SPATA13: variants seen among roughly 807,000 people sequenced by gnomAD.
SPATA13 encodes the protein spermatogenesis-associated protein 13.
A neutral mutation model predicts 104.0 loss-of-function variants in SPATA13; 50 were observed. The observed-to-expected ratio is 0.48, with a 90% confidence interval of 0.38 to 0.61. SPATA13 has a LOEUF of 0.61. Among genes scored for constraint, SPATA13 ranks in the 20% least tolerant of loss-of-function variants. SPATA13 has a pLI of 0.00. For missense variants in SPATA13, 1,524 were observed against 1,690.6 expected (o/e 0.90, Z 1.73); for synonymous variants, 606 against 667.5 (o/e 0.91, Z 1.42).
chr13:24,244,098 G>A (rs909599582), intron 2 of SPATA13, among the ~76,000 whole-genome samples: 2 of 152,164 alleles, frequency 1.3e-5, no homozygotes, highest in East Asian at 3.8e-4. Context: ...GTGGCAACTG[G>A]CCTTCCTTGG....
At chr13:24,125,383 C>T (rs1881175665) in intron 3 of SPATA13, among the ~76,000 whole-genome samples, 1 of 152,136 alleles carries the variant, frequency 6.6e-6, no homozygotes, top group Non-Finnish European at 1.5e-5. Context: ...TTTCAAGCCT[C>T]AGAGTGTAGG....
intron 1 of SPATA13, among the ~76,000 whole-genome samples, chr13:24,221,065 G>A (rs1262590913): frequency 1.3e-5 from 2 of 152,218 alleles, no homozygotes; most frequent in African/African-American, 2.4e-5. Flanking sequence ...TTTATTTACA[G>A]TCAGGGTCGT....
intron 9 of SPATA13, among the ~76,000 whole-genome samples, chr13:24,293,737 C>T (rs1483692221): frequency 6.6e-6 from 1 of 152,196 alleles, no homozygotes; most frequent in Non-Finnish European, 1.5e-5. Flanking sequence ...CATTCTTGCT[C>T]CTGCTCTCTG....
rs749682565 is a variant in SPATA13, at chr13:24,300,397, G to A, written c.3584-4G>A. The A allele has an allele frequency of 5.0e-6, 8 of 1,611,900 alleles. No individual in the cohort carries two copies. Among genetic ancestry groups the A allele is most frequent in the Non-Finnish European group, 5.1e-6 (6 of 1,178,816 alleles). ...ATATATATCACATTTATTTCTAAATGCAGGAATGGAAATTTCAGAAAACCA... is the reference window on the plus strand; with the variant it reads ...ATATATATCACATTTATTTCTAAATACAGGAATGGAAATTTCAGAAAACCA... On this transcript the variant is annotated splice_region_variant and splice_polypyrimidine_tract_variant and intron_variant, in intron 11 of 12. Coordinates refer to ENST00000382108, the MANE Select transcript of SPATA13 (RefSeq NM_001166271.3).
intron 3 of SPATA13, among the ~76,000 whole-genome samples, chr13:24,061,749 GA>G (rs989909929): frequency 1.3e-5 from 2 of 151,854 alleles, no homozygotes; most frequent in African/African-American, 4.8e-5. Flanking sequence ...GAGAATCACA[GA>G]AAAAAATCAT....
chr13:24,045,763 A>G (rs1285431842), intron 3 of SPATA13, among the ~76,000 whole-genome samples: 3 of 152,002 alleles, frequency 2.0e-5, no homozygotes, highest in Non-Finnish European at 4.4e-5. Context: ...ACACAGGCTG[A>G]GCCACAGGGT....
At chr13:24,029,511 A>G (rs969946488) in intron 3 of SPATA13, among the ~76,000 whole-genome samples, 1 of 152,194 alleles carries the variant, frequency 6.6e-6, no homozygotes, top group Non-Finnish European at 1.5e-5. Flanking sequence ...AAAATTTTGT[A>G]TGTTATTTAC....
rs765455230 is a variant in SPATA13, at chr13:24,290,784, G to C, written c.2980G>C (p.Asp994His). 1 of 1,614,086 alleles carries C rather than the reference G, an allele frequency of 6.2e-7. No individual in the cohort carries two copies. The highest frequency in any genetic ancestry group is 1.3e-5 in the African/African-American group (1 of 74,942). ...EACRLLQQMIDIAIDGFLLTP... is the reference protein window; with the variant it reads ...EACRLLQQMIHIAIDGFLLTP... ...CTGCCGCCTGCTGCAGCAGATGATT[G>C]ACATCGCCATCGACGGGTTCCTGCT... is the stretch of plus-strand genomic sequence containing the variant. The change falls in exon 9 of 13, where the codon GAC becomes CAC. Residue 994 changes from aspartate to histidine, a missense_variant. Physicochemically the swap from Asp to His is moderately conservative, Grantham distance 81. Coordinates refer to ENST00000382108, the MANE Select transcript of SPATA13 (RefSeq NM_001166271.3).
intron 3 of SPATA13, among the ~76,000 whole-genome samples, chr13:24,020,232 T>C (rs1876918351): frequency 6.6e-6 from 1 of 152,252 alleles, no homozygotes; most frequent in Non-Finnish European, 1.5e-5. Flanking sequence ...AGTTCCTTGT[T>C]TTAAACTGTT....
chr13:24,203,381 G>T (rs892510726), intron 1 of SPATA13, among the ~76,000 whole-genome samples: 1 of 152,270 alleles, frequency 6.6e-6, no homozygotes, highest in African/African-American at 2.4e-5. Context: ...TTTTTAAGTA[G>T]CTTTTTCCTA....
rs80170652 is a variant in SPATA13 at position 24,297,910 on chromosome 13, A to T, written c.3583+175A>T. Among the ~76,000 whole-genome samples the T allele has an allele frequency of 1.1e-3, 174 of 152,326 alleles. 1 individual carries two copies. The East Asian group carries it at 0.019, about 17-fold the overall frequency. ...ACTTCTGAATGCACTTACAAGACAGACCATGTCAGATGTAGTTACTACCGG... is the reference window on the plus strand; with the variant it reads ...ACTTCTGAATGCACTTACAAGACAGTCCATGTCAGATGTAGTTACTACCGG... On this transcript the variant is annotated intron_variant, in intron 11 of 12. Coordinates refer to ENST00000382108, the MANE Select transcript of SPATA13 (RefSeq NM_001166271.3).
Position 24,105,444 on chromosome 13 carries a change from C to CTTTTTT in SPATA13, c.-112+87751_-112+87756dup, listed in dbSNP as rs764465032. ...GTGAGCCACTGCGCCTGACTTCTTA[C>CTTTTTT]TTTTTTTTTTTTTGACATATCAATT... On this transcript the variant is annotated intron_variant, in intron 3 of 14. Coordinates refer to the SPATA13 transcript ENST00000424834. Among the ~76,000 whole-genome samples the CTTTTTT allele has an allele frequency of 7.5e-3, 1,080 of 143,102 alleles. 28 individuals are homozygous for CTTTTTT. The East Asian group carries it at 0.085, about 11-fold the overall frequency. 93.9% of individuals were successfully genotyped at this position (143,102 alleles called of 152,430 possible).
At chr13:24,236,104 G>A (rs115379667) in intron 2 of SPATA13, among the ~76,000 whole-genome samples, 80 of 152,280 alleles carry the variant, frequency 5.3e-4, no homozygotes, top group African/African-American at 1.9e-3. Flanking sequence ...TTTCCAAATG[G>A]GGAAGGAGGC....
intron 3 of SPATA13, among the ~76,000 whole-genome samples, chr13:24,144,383 A>G (rs780600314): frequency 5.3e-5 from 8 of 152,182 alleles, no homozygotes; most frequent in Non-Finnish European, 1.0e-4. Flanking sequence ...TTCCATGCCC[A>G]AGAGACAAGA....
At chr13:24,270,685 T>G in intron 4 of SPATA13, 1 of 1,452,284 alleles carries the variant, frequency 6.9e-7, no homozygotes, top group African/African-American at 1.4e-5. Flanking sequence ...GAGCCAGCTG[T>G]CAGTTTCTGG....
At chr13:24,085,122 C>G (rs763927936) in intron 3 of SPATA13, among the ~76,000 whole-genome samples, 17 of 152,014 alleles carry the variant, frequency 1.1e-4, no homozygotes, top group Non-Finnish European at 2.4e-4. Flanking sequence ...CTGTTCTGTG[C>G]TTTTTCCCTT....
intron 2 of SPATA13, among the ~76,000 whole-genome samples, chr13:24,232,050 G>A (rs564713591): frequency 2.6e-5 from 4 of 152,278 alleles, no homozygotes; most frequent in South Asian, 2.1e-4. Context: ...TCCAGAGGAC[G>A]AGAACCAATA....
At chr13:24,024,654 T>A (rs1877125818) in intron 3 of SPATA13, among the ~76,000 whole-genome samples, 2 of 145,230 alleles carry the variant, frequency 1.4e-5, no homozygotes, top group African/African-American at 5.1e-5. Context: ...AGGAAGTTTT[T>A]CTTAAACATT....
chr13:24,260,490 T>C (rs1036743161), intron 4 of SPATA13, among the ~76,000 whole-genome samples: 4 of 152,194 alleles, frequency 2.6e-5, no homozygotes, highest in Non-Finnish European at 5.9e-5. Flanking sequence ...CCACCAAGCC[T>C]GTTTATGGCA....
Sources: gnomAD v4.1 joint callset for allele counts (sites outside exome capture counted in the v4.1 genomes callset) on GRCh38, gnomAD v4.1.1 for gene constraint, MANE v1.5 for transcripts, NCBI Gene and HGNC (gene_info 2026-07-23, HGNC 2026-07-21) for gene names.